The following TENM3 variants were observed in gnomAD, a reference collection of about 807,000 sequenced individuals.
TENM3 encodes teneurin-3.
In TENM3, 63 loss-of-function variants were observed where a neutral mutation model predicts 255.1. That is an observed-to-expected ratio of 0.25 (90% CI 0.20 to 0.30). TENM3 has a LOEUF of 0.30. TENM3 is among the 10% of genes least tolerant of loss of function. The pLI, the probability that TENM3 is intolerant of heterozygous loss-of-function variation, is 1.00. For synonymous variants in TENM3, 1,306 were observed against 1,322.3 expected (o/e 0.99, Z 0.27); for missense variants, 2,929 against 3,461.1 (o/e 0.85, Z 3.86).
chr4:182,431,032 TAAATAAACAAACAAACAAAC>T (rs1169810934), intron 3 of TENM3, among the ~76,000 whole-genome samples: 10 of 100,290 alleles, frequency 1.0e-4, no homozygotes, highest in African/African-American at 2.2e-4. Context: ...AATAAATAAA[TAAATAAACAAACAAACAAAC>T]AAACAAATAA....
At chr4:182,621,806 T>TA (rs1235818258) in intron 4 of TENM3, among the ~76,000 whole-genome samples, 2 of 6,252 alleles carry the variant, frequency 3.2e-4, no homozygotes, top group African/African-American at 3.7e-4. Context: ...ATATAATATA[T>TA]ATATTATATA....
the TENM3 span, among the ~76,000 whole-genome samples, chr4:181,766,865 G>A: frequency 6.6e-6 from 1 of 151,908 alleles, no homozygotes; most frequent in Non-Finnish European, 1.5e-5. Context: ...CCACAAAGCA[G>A]AAGAGAATTG....
intron 1 of TENM3, among the ~76,000 whole-genome samples, chr4:182,210,185 C>G (rs1161313604): frequency 6.6e-6 from 1 of 152,142 alleles, no homozygotes; most frequent in Non-Finnish European, 1.5e-5. Context: ...ACGGTCACAC[C>G]GACACCATCA....
the TENM3 span, among the ~76,000 whole-genome samples, chr4:181,747,694 T>C: frequency 6.6e-6 from 1 of 151,988 alleles, no homozygotes; most frequent in African/African-American, 2.4e-5. Flanking sequence ...ATTTTGTCAG[T>C]CTTTATGACT....
rs764789308 is a variant in TENM3 at position 182,346,846 on chromosome 4, G to A, written c.428G>A (p.Arg143His). The change falls in exon 3 of 28, where the codon CGC (arginine) becomes CAC (histidine). Residue 143 changes from arginine to histidine, a missense_variant. Arg to His is a conservative substitution (Grantham distance 29). Around this residue, in one of 6 missense-constraint regions of TENM3, gnomAD observed 283 missense variants for 256.9 expected, o/e 1.10. Transcript: ENST00000511685. The part of the protein sequence containing the change: ...RLWGRGVKSG[R>H]SSCLSSRSNS... ...TGGGGCAGGGGGGTCAAATCAGGCC[G>A]CAGCTCCTGCCTGTCAAGTCGGTCC... 3 of 1,612,832 alleles carry A rather than the reference G, an allele frequency of 1.9e-6. No individual in the cohort carries two copies. The highest frequency in any genetic ancestry group is 1.7e-5 in the Admixed American group (1 of 59,868).
At chr4:181,952,285 G>C in the TENM3 span, among the ~76,000 whole-genome samples, 1 of 152,102 alleles carries the variant, frequency 6.6e-6, no homozygotes, top group Non-Finnish European at 1.5e-5. Context: ...TAATGAATAA[G>C]AGCCTTATCT....
the TENM3 span, among the ~76,000 whole-genome samples, chr4:181,915,827 A>C: frequency 2.0e-5 from 3 of 152,112 alleles, no homozygotes; most frequent in Admixed American, 2.0e-4. Flanking sequence ...AAGATTAAAC[A>C]CCACGAGTAA....
At chr4:182,788,643 C>T (rs1419644365) in intron 24 of TENM3, among the ~76,000 whole-genome samples, 1 of 152,158 alleles carries the variant, frequency 6.6e-6, no homozygotes, top group Non-Finnish European at 1.5e-5. Flanking sequence ...ATGTGGGTTC[C>T]AACTTCTACT....
the TENM3 span, among the ~76,000 whole-genome samples, chr4:181,626,001 A>G: frequency 2.0e-5 from 3 of 152,208 alleles, no homozygotes; most frequent in African/African-American, 7.2e-5. Context: ...GTGAATAACC[A>G]ATCTCATAGA....
chr4:182,533,481 G>C (rs1739971166), intron 3 of TENM3, among the ~76,000 whole-genome samples: 1 of 150,354 alleles, frequency 6.7e-6, no homozygotes, highest in Admixed American at 6.7e-5. Context: ...CGAGGCTGCA[G>C]TGAGCCGTGA....
chr4:181,654,319 C>T, the TENM3 span, among the ~76,000 whole-genome samples: 1 of 150,950 alleles, frequency 6.6e-6, no homozygotes, highest in African/African-American at 2.4e-5. Flanking sequence ...TCTGATGGAA[C>T]AAGAAAAATG....
the TENM3 span, among the ~76,000 whole-genome samples, chr4:182,096,129 C>CA: frequency 0.68 from 88,177 of 130,364 alleles, 28,660 homozygotes; most frequent in Middle Eastern, 0.75. Flanking sequence ...GACCCTGTCT[C>CA]AAAAAAAAAA....
chr4:182,001,911 A>G, the TENM3 span, among the ~76,000 whole-genome samples: 1 of 152,166 alleles, frequency 6.6e-6, no homozygotes, highest in African/African-American at 2.4e-5. Flanking sequence ...AACAATTGGT[A>G]CTTTATAAAT....
At chr4:181,481,044 C>T in the TENM3 span, among the ~76,000 whole-genome samples, 1 of 151,612 alleles carries the variant, frequency 6.6e-6, no homozygotes, top group Non-Finnish European at 1.5e-5. Flanking sequence ...AAAAATTCTT[C>T]ATGATAAATC....
intron 1 of TENM3, among the ~76,000 whole-genome samples, chr4:182,201,314 A>G (rs1328213590): frequency 6.6e-6 from 1 of 152,090 alleles, no homozygotes; most frequent in Non-Finnish European, 1.5e-5. Flanking sequence ...ATCATCTCCA[A>G]TTTCTAAGGA....
chr4:182,370,023 T>G (rs565044392), intron 3 of TENM3, among the ~76,000 whole-genome samples: 1 of 152,336 alleles, frequency 6.6e-6, no homozygotes, highest in African/African-American at 2.4e-5. Context: ...TGTCACTGGG[T>G]TTGAGTTTCT....
the TENM3 span, among the ~76,000 whole-genome samples, chr4:181,937,120 A>G: frequency 6.6e-6 from 1 of 152,212 alleles, no homozygotes; most frequent in Non-Finnish European, 1.5e-5. Flanking sequence ...GTATGGGAGC[A>G]TTCTAAGCGA....
the TENM3 span, among the ~76,000 whole-genome samples, chr4:181,969,025 T>C: frequency 1.3e-5 from 2 of 151,862 alleles, no homozygotes; most frequent in Admixed American, 6.6e-5. Flanking sequence ...TGTGTATGCC[T>C]CTGTGTGTGT....
intron 24 of TENM3, among the ~76,000 whole-genome samples, chr4:182,777,013 T>C (rs556778200): frequency 6.6e-6 from 1 of 152,304 alleles, no homozygotes; most frequent in African/African-American, 2.4e-5. Flanking sequence ...ATTTCATTCC[T>C]CTGTGGATTC....
Sources: allele counts gnomAD v4.1 joint callset (sites outside exome capture counted in the v4.1 genomes callset), GRCh38; gene constraint gnomAD v4.1.1; regional missense constraint gnomAD v4.1.1; transcripts MANE v1.5; gene names NCBI Gene and HGNC (gene_info 2026-07-23, HGNC 2026-07-21).